PRSS41: variants seen among roughly 807,000 people sequenced by gnomAD.
PRSS41 encodes the protein serine protease 41, also known as protease, serine 41.
PRSS41 carries 37 observed loss-of-function variants against 28.8 expected under a neutral mutation model. The ratio of observed to expected loss-of-function variants is 1.29; its 90% CI spans 0.99 to 1.69. The LOEUF is 1.69. Among genes scored for constraint, PRSS41 ranks in the 40% most tolerant of loss-of-function variants. The pLI, the probability that PRSS41 is intolerant of heterozygous loss-of-function variation, is 0.00. For synonymous variants in PRSS41, 195 were observed against 163.1 expected (o/e 1.20, Z -1.49); for missense variants, 431 against 400.7 (o/e 1.08, Z -0.65).
Position 2,798,632 on chromosome 16 carries a change from G to A in PRSS41, c.65-4G>A. On this transcript the variant is annotated splice_polypyrimidine_tract_variant and splice_region_variant and intron_variant, in intron 1 of 5. Transcript: ENST00000399677. ...CCGCGAGGGTCACTTCTTGTGTCCT[G>A]CAGAGTCGCAGGAGGAGGAGCTGTT... The A allele has an allele frequency of 1.3e-6, 2 of 1,503,542 alleles. No homozygotes were observed. The highest frequency in any genetic ancestry group is 8.8e-7 in the Non-Finnish European group (1 of 1,130,108). 93.1% of individuals were successfully genotyped at this position (1,503,542 alleles called of 1,614,324 possible). A position where few individuals can be genotyped will look rare whatever the true frequency, so the allele number is the denominator to read the frequency against.
intron 4 of PRSS41, among the ~76,000 whole-genome samples, chr16:2,801,895 C>A (rs1312684816): frequency 6.6e-6 from 1 of 152,008 alleles, no homozygotes. Flanking sequence ...CAGAGGGGCT[C>A]CTCACTTCCC....
At position 2,801,335 on chromosome 16, in the gene PRSS41, T is replaced by TA. The variant is rs547722324; in HGVS notation, c.541+1767dup. ...ATATGTAATGTTGTTCTTGGACTCTTATTTTTTTTTTTAATTTTTTTTTTA... is the reference window on the plus strand; with the variant it reads ...ATATGTAATGTTGTTCTTGGACTCTTAATTTTTTTTTTTAATTTTTTTTTTA... On this transcript the variant is annotated intron_variant, in intron 4 of 5. Transcript: ENST00000399677. Among the ~76,000 whole-genome samples the TA allele has an allele frequency of 3.0e-3, 459 of 151,628 alleles. 2 individuals are homozygous for TA. The highest frequency in any genetic ancestry group is 0.01 in the African/African-American group (429 of 41,212).
intron 4 of PRSS41, 55 bp from the exon 5 acceptor site, chr16:2,804,334 C>A: frequency 6.5e-7 from 1 of 1,532,484 alleles, no homozygotes; most frequent in Non-Finnish European, 8.8e-7. Flanking sequence ...CCTCTCCCTG[C>A]TCCAGATAGC....
chr16:2,798,495 G>C (rs1163794004), exon 1 of PRSS41: 3 of 1,518,310 alleles, frequency 2.0e-6, no homozygotes, highest in East Asian at 2.6e-5. Flanking sequence ...ATGGGCGCGC[G>C]CGGGGCGCTG....
chr16:2,802,056 CCGGGCGGAGA>C, intron 4 of PRSS41, among the ~76,000 whole-genome samples: 1 of 146,762 alleles, frequency 6.8e-6, no homozygotes, highest in Admixed American at 7.3e-5. Flanking sequence ...GGGGTGGCTG[CCGGGCGGAGA>C]TGCTCCTCAC....
chr16:2,798,506 C>G (rs1326318545), exon 1 of PRSS41: 2 of 1,310,556 alleles, frequency 1.5e-6, no homozygotes, highest in Admixed American at 4.3e-5. Context: ...CGGGGCGCTG[C>G]TGCTGGCGCT....
chr16:2,798,697 C>T, intron 2 of PRSS41, 35 bp downstream of exon 2: 5 of 1,432,248 alleles, frequency 3.5e-6, no homozygotes, highest in Admixed American at 2.8e-5. Context: ...CCAGCCAGGG[C>T]GGCTGGGCCG....
chr16:2,802,593 T>C (rs1001189476), intron 4 of PRSS41, among the ~76,000 whole-genome samples: 13 of 152,188 alleles, frequency 8.5e-5, no homozygotes, highest in Admixed American at 5.9e-4. Context: ...CTGGGCACCA[T>C]TGAGCACTGA....
exon 4 of PRSS41, chr16:2,799,401 C>T: frequency 6.4e-7 from 1 of 1,552,130 alleles, no homozygotes; most frequent in Non-Finnish European, 8.7e-7. Flanking sequence ...CATTGTGAAC[C>T]CTGACGCACT....
exon 5 of PRSS41, chr16:2,804,404 C>T (rs2069006910): frequency 6.4e-7 from 1 of 1,551,630 alleles, no homozygotes; most frequent in African/African-American, 1.4e-5. Flanking sequence ...CTGCCACCTC[C>T]TTACAACCTC....
chr16:2,804,994 C>T (rs767785558), exon 6 of PRSS41: 23 of 1,581,618 alleles, frequency 1.5e-5, no homozygotes, highest in South Asian at 3.5e-5. Flanking sequence ...GAATGGACTG[C>T]GGTCAACCCA....
intron 4 of PRSS41, among the ~76,000 whole-genome samples, chr16:2,802,860 G>A (rs958957005): frequency 1.3e-5 from 2 of 149,964 alleles, no homozygotes; most frequent in African/African-American, 5.0e-5. Flanking sequence ...GGGAGACCGT[G>A]GGGAGAGGGA....
intron 4 of PRSS41, among the ~76,000 whole-genome samples, chr16:2,802,701 G>A (rs1057233581): frequency 2.6e-5 from 4 of 152,236 alleles, no homozygotes; most frequent in African/African-American, 7.2e-5. Context: ...CCAACACAGC[G>A]AAACCCCGTC....
At chr16:2,804,485 G>C in exon 5 of PRSS41, 2 of 1,551,610 alleles carry the variant, frequency 1.3e-6, no homozygotes, top group Non-Finnish European at 1.7e-6. Flanking sequence ...TCTAGCCGTA[G>C]TATGATCTGG....
intron 4 of PRSS41, among the ~76,000 whole-genome samples, chr16:2,802,744 G>A (rs1273618621): frequency 2.6e-5 from 4 of 152,240 alleles, no homozygotes; most frequent in African/African-American, 9.6e-5. Flanking sequence ...GGCGGCGCAT[G>A]CCTGCAATCG....
exon 4 of PRSS41, chr16:2,799,341 A>G (rs2068970231): frequency 1.3e-6 from 2 of 1,551,380 alleles, no homozygotes; most frequent in East Asian, 2.4e-5. Context: ...TTCCAGGCCA[A>G]CTCCTTGGAA....
At chr16:2,799,264 G>C in intron 3 of PRSS41, 22 bp from the exon 4 acceptor site, 1 of 1,549,670 alleles carries the variant, frequency 6.5e-7, no homozygotes, top group East Asian at 2.4e-5. Context: ...AAGGCTCCCC[G>C]CCCTCTCTCC....
intron 5 of PRSS41, 73 bp from the exon 6 acceptor site, chr16:2,804,841 C>A: frequency 8.6e-7 from 1 of 1,168,658 alleles, no homozygotes; most frequent in Non-Finnish European, 1.2e-6. Context: ...GCCCCACAGC[C>A]CCTCCTGCTC....
intron 4 of PRSS41, among the ~76,000 whole-genome samples, chr16:2,803,392 A>G (rs1425859591): frequency 1.3e-5 from 2 of 152,142 alleles, no homozygotes; most frequent in Non-Finnish European, 2.9e-5. Context: ...ATAATAACCT[A>G]CTTTGAATTT....
Sources: allele counts gnomAD v4.1 joint callset (sites outside exome capture counted in the v4.1 genomes callset), GRCh38; gene constraint gnomAD v4.1.1; transcripts MANE v1.5; gene names NCBI Gene and HGNC (gene_info 2026-07-23, HGNC 2026-07-21).